Variants in TBC1D5 observed in about 807,000 individuals in gnomAD.
TBC1D5 encodes TBC1 domain family, member 5.
A neutral mutation model predicts 100.3 loss-of-function variants in TBC1D5; 75 were observed. That is an observed-to-expected ratio of 0.75 (90% CI 0.62 to 0.91). The LOEUF (loss-of-function observed/expected upper bound fraction) is 0.91, where lower values mean the gene tolerates loss of function less well. Among genes scored for constraint, TBC1D5 ranks in the 40% least tolerant of loss-of-function variants. TBC1D5 has a pLI of 0.00. For missense variants in TBC1D5, 910 were observed against 942.4 expected (o/e 0.97, Z 0.45); for synonymous variants, 323 against 325.6 (o/e 0.99, Z 0.09).
At chr3:17,221,133 G>A (rs2074237961) in intron 17 of TBC1D5, among the ~76,000 whole-genome samples, 1 of 152,008 alleles carries the variant, frequency 6.6e-6, no homozygotes, top group African/African-American at 2.4e-5. Flanking sequence ...GCAGAATAAT[G>A]CCTAAGCCTT....
chr3:17,433,854 A>C (rs150809508), intron 3 of TBC1D5, among the ~76,000 whole-genome samples: 43 of 152,308 alleles, frequency 2.8e-4, no homozygotes, highest in African/African-American at 1.0e-3. Context: ...ACAGGCATTG[A>C]GCAATACACC....
rs1473172900 is a variant in TBC1D5, at chr3:17,682,280, A to T, written c.-101+57063T>A. On this transcript the variant is annotated intron_variant, in intron 1 of 21. Transcript: ENST00000253692. ...CTCTAGAAAAATAAAATAAAATAAA[A>T]TTTTTGAAAAAAACCTGTAATGCTT... 5.3e-5 allele frequency among the ~76,000 whole-genome samples: 8 copies of T among 151,236 alleles called. No homozygotes were observed. In the East Asian group the frequency reaches 1.4e-3, roughly 26 times the overall value.
chr3:17,487,224 G>A lies in TBC1D5; in HGVS notation c.97+21250C>T, dbSNP rs1020103302. ...CCATATAAGAAAAAGTTTGTTGACC[G>A]CTATTCTAGAGAATAATCTACTATA... On this transcript the variant is annotated intron_variant, in intron 3 of 21. Coordinates refer to ENST00000253692, the Ensembl canonical transcript of TBC1D5. Among the ~76,000 whole-genome samples, 28 of 152,250 alleles carry A rather than the reference G, an allele frequency of 1.8e-4. 1 individual carries two copies. Among genetic ancestry groups the A allele is most frequent in the Middle Eastern group, 3.4e-3 (1 of 294 alleles).
At chr3:17,339,069 A>G (rs1439868966) in intron 13 of TBC1D5, among the ~76,000 whole-genome samples, 1 of 152,222 alleles carries the variant, frequency 6.6e-6, no homozygotes, top group Non-Finnish European at 1.5e-5. Context: ...TTTTTGAAGA[A>G]AAGATAGCAT....
intron 2 of TBC1D5, among the ~76,000 whole-genome samples, chr3:17,552,056 A>T (rs1334461366): frequency 1.3e-5 from 2 of 152,104 alleles, no homozygotes; most frequent in Non-Finnish European, 2.9e-5. Context: ...AGCAGTATAC[A>T]TTTGTAGTTT....
At chr3:17,363,134 C>G (rs1053813507) in intron 13 of TBC1D5, among the ~76,000 whole-genome samples, 1 of 151,944 alleles carries the variant, frequency 6.6e-6, no homozygotes, top group Non-Finnish European at 1.5e-5. Flanking sequence ...TTTTACTTTT[C>G]TTTTTCCATG....
intron 13 of TBC1D5, among the ~76,000 whole-genome samples, chr3:17,332,595 G>GC (rs1445902117): frequency 2.6e-5 from 4 of 151,956 alleles, no homozygotes; most frequent in Admixed American, 6.6e-5. Flanking sequence ...CCTGGGACAT[G>GC]CCAACATTTA....
chr3:17,629,948 CA>C (rs2063356279), intron 1 of TBC1D5, among the ~76,000 whole-genome samples: 1 of 151,984 alleles, frequency 6.6e-6, no homozygotes, highest in Non-Finnish European at 1.5e-5. Flanking sequence ...ACAGAAGTTA[CA>C]AAAAACTAAT....
intron 13 of TBC1D5, among the ~76,000 whole-genome samples, chr3:17,336,569 A>C (rs961694963): frequency 2.0e-5 from 3 of 152,116 alleles, no homozygotes; most frequent in African/African-American, 7.2e-5. Context: ...ATAAGAAAGA[A>C]AGAGAAAATG....
At chr3:17,235,074 C>G (rs2075751963) in intron 17 of TBC1D5, among the ~76,000 whole-genome samples, 1 of 152,156 alleles carries the variant, frequency 6.6e-6, no homozygotes, top group Non-Finnish European at 1.5e-5. Flanking sequence ...TGCCTGCTAC[C>G]TGTTTTACTC....
chr3:17,668,952 T>C (rs1030019663), intron 1 of TBC1D5, among the ~76,000 whole-genome samples: 5 of 152,140 alleles, frequency 3.3e-5, no homozygotes, highest in Non-Finnish European at 5.9e-5. Context: ...GGGCAAGTAG[T>C]TTACCCTCTT....
At chr3:17,491,184 A>C (rs1426217753) in intron 3 of TBC1D5, among the ~76,000 whole-genome samples, 1 of 152,188 alleles carries the variant, frequency 6.6e-6, no homozygotes, top group African/African-American at 2.4e-5. Context: ...TGCTGAAGTC[A>C]GTTATCAGCT....
At chr3:17,264,253 C>G (rs1324880827) in intron 15 of TBC1D5, among the ~76,000 whole-genome samples, 27 of 151,996 alleles carry the variant, frequency 1.8e-4, no homozygotes. Flanking sequence ...TACATATTTT[C>G]CTTCTACTGA....
chr3:17,604,335 C>T (rs964078508), intron 2 of TBC1D5, among the ~76,000 whole-genome samples: 1 of 152,180 alleles, frequency 6.6e-6, no homozygotes, highest in African/African-American at 2.4e-5. Context: ...ACATCCTTCA[C>T]ATTGAAAATA....
chr3:17,171,704 A>G (rs1002690870), intron 19 of TBC1D5, among the ~76,000 whole-genome samples: 1 of 152,038 alleles, frequency 6.6e-6, no homozygotes, highest in Non-Finnish European at 1.5e-5. Flanking sequence ...TCACTGAACT[A>G]CATCTATAAA....
intron 1 of TBC1D5, among the ~76,000 whole-genome samples, chr3:17,649,337 G>A (rs1413022070): frequency 6.6e-6 from 1 of 152,090 alleles, no homozygotes; most frequent in East Asian, 1.9e-4. Context: ...AGGCTGAGAT[G>A]AGGGAGACGA....
At chr3:17,417,489 A>C (rs928869325) in intron 4 of TBC1D5, among the ~76,000 whole-genome samples, 3 of 152,070 alleles carry the variant, frequency 2.0e-5, no homozygotes, top group Non-Finnish European at 2.9e-5. Context: ...GATGATTGCC[A>C]ATTTCATCCA....
intron 1 of TBC1D5, among the ~76,000 whole-genome samples, chr3:17,732,494 G>A (rs2076646287): frequency 6.6e-6 from 1 of 152,056 alleles, no homozygotes; most frequent in South Asian, 2.1e-4. Flanking sequence ...CAAGGCGGAT[G>A]GATCACCTGA....
At chr3:17,475,183 C>G (rs568739845) in intron 3 of TBC1D5, among the ~76,000 whole-genome samples, 156 of 151,808 alleles carry the variant, frequency 1.0e-3, no homozygotes, top group African/African-American at 3.6e-3. Flanking sequence ...TGCCCCGCCC[C>G]ACCCGTTTAT....
Sources: allele counts gnomAD v4.1 joint callset (sites outside exome capture counted in the v4.1 genomes callset), GRCh38; gene constraint gnomAD v4.1.1; transcripts MANE v1.5; gene names NCBI Gene and HGNC (gene_info 2026-07-23, HGNC 2026-07-21).